The following SPOCK1 variants were observed in gnomAD, a reference collection of about 807,000 sequenced individuals.
SPOCK1 encodes the protein SPARC (osteonectin), cwcv and kazal like domains proteoglycan 1, also known as testican-1.
In SPOCK1, 23 loss-of-function variants were observed where a neutral mutation model predicts 55.3. The observed-to-expected ratio is 0.42, with a 90% CI of 0.30 to 0.59. The LOEUF is 0.59. Ranked by LOEUF, SPOCK1 falls within the 20% of genes least tolerant of loss-of-function variation. SPOCK1 has a pLI of 0.22. For missense variants in SPOCK1, 499 were observed against 552.5 expected (o/e 0.90, Z 0.97); for synonymous variants, 226 against 221.0 (o/e 1.02, Z -0.20).
intron 3 of SPOCK1, among the ~76,000 whole-genome samples, chr5:137,171,622 T>C (rs2127058691): frequency 6.6e-6 from 1 of 152,150 alleles, no homozygotes; most frequent in South Asian, 2.1e-4. Context: ...CCCAAGTAGT[T>C]GTTGGGAAAA....
intron 2 of SPOCK1, among the ~76,000 whole-genome samples, chr5:137,436,897 T>C (rs986968686): frequency 1.3e-5 from 2 of 152,184 alleles, no homozygotes; most frequent in Non-Finnish European, 2.9e-5. Context: ...AGTCTGAGAT[T>C]GTATGCCTGA....
chr5:137,332,139 C>G (rs887984998), intron 2 of SPOCK1, among the ~76,000 whole-genome samples: 1 of 152,122 alleles, frequency 6.6e-6, no homozygotes, highest in African/African-American at 2.4e-5. Context: ...CAGCTCTCCA[C>G]TCCAACCTCC....
At chr5:137,305,789 A>G (rs1757691956) in intron 2 of SPOCK1, among the ~76,000 whole-genome samples, 1 of 152,222 alleles carries the variant, frequency 6.6e-6, no homozygotes, top group African/African-American at 2.4e-5. Flanking sequence ...AGAGGCAGCC[A>G]TGCTGTGAGG....
intron 3 of SPOCK1, among the ~76,000 whole-genome samples, chr5:137,226,513 T>C (rs1291359741): frequency 2.6e-5 from 4 of 152,198 alleles, no homozygotes; most frequent in Non-Finnish European, 5.9e-5. Context: ...CACCTCATCC[T>C]CCACTGTGCT....
chr5:137,000,998 G>A (rs751672847), intron 6 of SPOCK1, among the ~76,000 whole-genome samples: 9 of 152,102 alleles, frequency 5.9e-5, no homozygotes, highest in South Asian at 4.1e-4. Flanking sequence ...GTGAAACTCC[G>A]TCTCAAAAAA....
intron 2 of SPOCK1, among the ~76,000 whole-genome samples, chr5:137,437,182 T>C (rs920016714): frequency 1.3e-5 from 2 of 152,186 alleles, no homozygotes; most frequent in African/African-American, 4.8e-5. Context: ...CCACTCCTCA[T>C]CCTCCATCTC....
Position 137,499,308 on chromosome 5 carries a change from T to C in SPOCK1, c.-130A>G, listed in dbSNP as rs1473179292. The C allele has an allele frequency of 6.6e-6, 1 of 151,664 alleles. No homozygotes were observed. Among genetic ancestry groups the C allele is most frequent in the Non-Finnish European group, 1.5e-5 (1 of 67,874 alleles). 9.4% of individuals were successfully genotyped at this position (151,664 alleles called of 1,614,324 possible). ...GCCGCCGCCGAGCGTCTGGCCGCTT[T>C]GTGAGCCCGCAGCGATGTGCTCTGC... On this transcript the variant is annotated 5_prime_UTR_variant, in exon 1 of 11. Transcript: ENST00000394945.
At chr5:137,108,622 T>C (rs1054905651) in intron 5 of SPOCK1, among the ~76,000 whole-genome samples, 1 of 152,158 alleles carries the variant, frequency 6.6e-6, no homozygotes. Flanking sequence ...GGGAGAAGAA[T>C]ATTACAACCT....
chr5:137,149,460 A>G lies in SPOCK1; in HGVS notation c.233-8766T>C, dbSNP rs539686432. 2.6e-5 allele frequency among the ~76,000 whole-genome samples: 4 copies of G among 152,352 alleles called. No homozygotes were observed. In the East Asian group the frequency reaches 5.8e-4, roughly 22 times the overall value. On this transcript the variant is annotated intron_variant, in intron 3 of 10. Coordinates refer to ENST00000394945, the MANE Select transcript of SPOCK1 (RefSeq NM_004598.4). ...AGACATTTATGAACAAAGGAGAGAG[A>G]TTTACTCAAAATACAAAAGAACCAA... is the stretch of plus-strand genomic sequence containing the variant.
intron 9 of SPOCK1, 52 bp from the exon 10 acceptor site, chr5:136,979,521 G>T (rs1390111505): frequency 3.1e-6 from 5 of 1,594,938 alleles, no homozygotes; most frequent in Non-Finnish European, 4.3e-6. Context: ...ATGATACTCG[G>T]GGTTAATGCC....
At chr5:137,020,214 T>C (rs887908735) in intron 6 of SPOCK1, among the ~76,000 whole-genome samples, 1 of 151,792 alleles carries the variant, frequency 6.6e-6, no homozygotes, top group Non-Finnish European at 1.5e-5. Flanking sequence ...CCCCATCTGA[T>C]TGCTGTTACC....
Position 137,498,483 on chromosome 5 carries a change from C to T in SPOCK1, c.76G>A (p.Ala26Thr). ...TTGGGGCCCGCGCCTCCGGCGAGCG[C>T]GTCCAGGTGCCGGCTCTCGACTTGG... ...FLQVESRHLD[A>T]LAGGAGPNHG... Residue 26 changes from alanine to threonine, a missense_variant, in exon 2 of 11, where the codon GCG becomes ACG. Physicochemically the swap from Ala to Thr is moderately conservative, Grantham distance 58. Coordinates refer to ENST00000394945, the MANE Select transcript of SPOCK1 (RefSeq NM_004598.4). 1 of 1,597,870 alleles carries T rather than the reference C, an allele frequency of 6.3e-7. No homozygotes were observed. The highest frequency in any genetic ancestry group is 8.5e-7 in the Non-Finnish European group (1 of 1,174,672).
intron 2 of SPOCK1, among the ~76,000 whole-genome samples, chr5:137,475,538 A>T (rs1386797649): frequency 6.6e-6 from 1 of 152,146 alleles, no homozygotes; most frequent in Non-Finnish European, 1.5e-5. Flanking sequence ...TACTGAAAAC[A>T]TGAGATAATT....
At chr5:137,441,790 A>G (rs1357993730) in intron 2 of SPOCK1, among the ~76,000 whole-genome samples, 3 of 152,226 alleles carry the variant, frequency 2.0e-5, no homozygotes, top group Non-Finnish European at 4.4e-5. Flanking sequence ...GAGATCTCAA[A>G]CAAAGGGAAT....
intron 4 of SPOCK1, among the ~76,000 whole-genome samples, chr5:137,138,976 C>G (rs925418949): frequency 6.6e-6 from 1 of 152,118 alleles, no homozygotes; most frequent in Non-Finnish European, 1.5e-5. Context: ...ATTACTAATG[C>G]CTCACTAGCT....
chr5:137,039,363 C>T (rs748460840), intron 6 of SPOCK1, among the ~76,000 whole-genome samples: 11 of 140,898 alleles, frequency 7.8e-5, no homozygotes, highest in East Asian at 2.2e-4. Context: ...GAACTTGAGA[C>T]GTGTAGACAA....
chr5:137,127,772 A>T (rs1753804389), intron 4 of SPOCK1, among the ~76,000 whole-genome samples: 1 of 152,238 alleles, frequency 6.6e-6, no homozygotes, highest in Admixed American at 6.5e-5. Flanking sequence ...TCACAGGTTC[A>T]CAGCTGGAGA....
intron 3 of SPOCK1, among the ~76,000 whole-genome samples, chr5:137,197,198 T>C (rs1018122788): frequency 1.3e-5 from 2 of 152,168 alleles, no homozygotes; most frequent in Admixed American, 1.3e-4. Context: ...CTGGAACTCA[T>C]ATGTCCAGGA....
At chr5:137,231,220 T>G (rs995562343) in intron 3 of SPOCK1, among the ~76,000 whole-genome samples, 1 of 152,172 alleles carries the variant, frequency 6.6e-6, no homozygotes, top group African/African-American at 2.4e-5. Context: ...AATTTTTGTA[T>G]TTTTAGTAGA....
Sources: allele counts gnomAD v4.1 joint callset (sites outside exome capture counted in the v4.1 genomes callset), GRCh38; gene constraint gnomAD v4.1.1; transcripts MANE v1.5; gene names NCBI Gene and HGNC (gene_info 2026-07-23, HGNC 2026-07-21).